The following SNTB1 variants were observed in gnomAD, a reference collection of about 807,000 sequenced individuals.
SNTB1 encodes the protein beta-1-syntrophin.
In SNTB1, 36 loss-of-function variants were observed where a neutral mutation model predicts 48.9. The observed-to-expected ratio is 0.74, with a 90% CI of 0.56 to 0.97. The LOEUF (loss-of-function observed/expected upper bound fraction) is 0.97, where lower values mean the gene tolerates loss of function less well. Ranked by LOEUF, SNTB1 falls within the 50% of genes least tolerant of loss-of-function variation. The pLI is 0.00. For synonymous variants in SNTB1, 299 were observed against 294.6 expected, an observed-to-expected ratio of 1.01 and a Z score of -0.15; for missense variants, 786 against 703.4, an observed-to-expected ratio of 1.12 and a Z score of -1.33.
At chr8:120,809,348 G>A (rs181469841) in intron 1 of SNTB1, among the ~76,000 whole-genome samples, 1 of 152,268 alleles carries the variant, frequency 6.6e-6, no homozygotes, top group East Asian at 1.9e-4. Context: ...TCCTGCCTGT[G>A]ACAAACCACA....
Position 120,693,927 on chromosome 8 carries a change from C to T in SNTB1, c.572-19G>A, listed in dbSNP as rs369789128. 1.3e-6 allele frequency: 2 copies of T among 1,592,576 alleles called. No individual in the cohort carries two copies. The highest frequency in any genetic ancestry group is 2.2e-5 in the South Asian group (2 of 90,546). Reference sequence around the variant, plus strand: ...TACTTCACTGCAAGGAAAAAGACAACAAGTGCTTTTAATACATCACGGCTG... The same window carrying T: ...TACTTCACTGCAAGGAAAAAGACAATAAGTGCTTTTAATACATCACGGCTG... On this transcript the variant is annotated intron_variant, in intron 1 of 6. Transcript: ENST00000517992.
At chr8:120,671,943 G>C (rs970127824) in intron 2 of SNTB1, among the ~76,000 whole-genome samples, 1 of 152,164 alleles carries the variant, frequency 6.6e-6, no homozygotes, top group African/African-American at 2.4e-5. Context: ...AACTTATAGT[G>C]GTTCGACTTA....
chr8:120,797,546 CTTTTTT>C (rs60374035), intron 1 of SNTB1, among the ~76,000 whole-genome samples: 51 of 69,108 alleles, frequency 7.4e-4, no homozygotes, highest in South Asian at 3.4e-3. Flanking sequence ...ACTTGTTTCT[CTTTTTT>C]TTTTTTTTTT....
Position 120,581,731 on chromosome 8 carries a change from G to A in SNTB1, c.997-6506C>T, listed in dbSNP as rs551699392. Among the ~76,000 whole-genome samples, 176 of 152,290 alleles carry A rather than the reference G, an allele frequency of 1.2e-3. 2 individuals carry two copies. The highest frequency in any genetic ancestry group is 2.0e-3 in the Admixed American group (31 of 15,290). The stretch of plus-strand genomic sequence containing the variant: ...GTCTGATCATGGGACACTAAAGAGC[G>A]TGTCATTTTAATTTTAATTTTATTT... On this transcript the variant is annotated intron_variant, in intron 3 of 6. Transcript: ENST00000517992.
intron 3 of SNTB1, among the ~76,000 whole-genome samples, chr8:120,608,679 C>T (rs143781038): frequency 4.1e-4 from 62 of 152,240 alleles, no homozygotes; most frequent in Middle Eastern, 6.8e-3. Flanking sequence ...ACTAATTCAG[C>T]TTCTATAATA....
At chr8:120,601,302 T>C (rs943015771) in intron 3 of SNTB1, among the ~76,000 whole-genome samples, 5 of 152,116 alleles carry the variant, frequency 3.3e-5, no homozygotes, top group African/African-American at 4.8e-5. Flanking sequence ...TGAATTTAGA[T>C]GGTAAAATTT....
At chr8:120,631,408 C>A (rs998321736) in intron 3 of SNTB1, among the ~76,000 whole-genome samples, 1 of 152,118 alleles carries the variant, frequency 6.6e-6, no homozygotes, top group Admixed American at 6.6e-5. Flanking sequence ...GGCTAAGACC[C>A]GCGCATGATC....
chr8:120,660,269 T>C (rs1312042573), intron 2 of SNTB1, among the ~76,000 whole-genome samples: 3 of 152,242 alleles, frequency 2.0e-5, no homozygotes, highest in African/African-American at 7.2e-5. Flanking sequence ...CTAGGCTGTT[T>C]CATCTACATT....
chr8:120,738,527 A>C (rs73710013), intron 1 of SNTB1, among the ~76,000 whole-genome samples: 19,623 of 141,976 alleles, frequency 0.14, 1,685 homozygotes, highest in African/African-American at 0.28. Context: ...CTACCTACCT[A>C]CCTCCCTTCC....
At position 120,536,155 on chromosome 8, in the gene SNTB1, G is replaced by A. The variant is rs1373585743; in HGVS notation, c.*2722C>T. The A allele has an allele frequency of 6.6e-6, 1 of 152,138 alleles. No homozygotes were observed. Among genetic ancestry groups the A allele is most frequent in the African/African-American group, 2.4e-5 (1 of 41,426 alleles). The allele number at this position is 152,138 out of a possible 1,614,324, so 9.4% of individuals were successfully genotyped here. On this transcript the variant is annotated 3_prime_UTR_variant, in exon 7 of 7. Coordinates refer to ENST00000517992, the MANE Select transcript of SNTB1 (RefSeq NM_021021.4). Reference sequence around the variant, plus strand: ...AAAAACCAATATCTATATTCCTATTGGCCTTCTTTAAATCCCTATGAGATG... The same window carrying A: ...AAAAACCAATATCTATATTCCTATTAGCCTTCTTTAAATCCCTATGAGATG...
Position 120,762,164 on chromosome 8 carries a change from T to C in SNTB1, c.571+49109A>G, listed in dbSNP as rs558469979. ...GTCCTGGCTTTCCTTTAAAGATTTATTACAGTATATTTCAAGACACACATA... is the reference window on the plus strand; with the variant it reads ...GTCCTGGCTTTCCTTTAAAGATTTACTACAGTATATTTCAAGACACACATA... On this transcript the variant is annotated intron_variant, in intron 1 of 6. Coordinates refer to ENST00000517992, the MANE Select transcript of SNTB1 (RefSeq NM_021021.4). Among the ~76,000 whole-genome samples, 60 of 152,310 alleles carry C rather than the reference T, an allele frequency of 3.9e-4. 1 individual carries two copies. In the South Asian group the frequency reaches 0.012, roughly 32 times the overall value.
chr8:120,554,686 G>A (rs1174950491), intron 4 of SNTB1, among the ~76,000 whole-genome samples: 2 of 152,142 alleles, frequency 1.3e-5, no homozygotes, highest in South Asian at 2.1e-4. Flanking sequence ...GAAGTGTTTC[G>A]AGTCTAACAC....
chr8:120,638,569 A>AC (rs1476949726), intron 2 of SNTB1, among the ~76,000 whole-genome samples: 2 of 151,842 alleles, frequency 1.3e-5, no homozygotes, highest in Non-Finnish European at 2.9e-5. Context: ...CCCTCACCCC[A>AC]CGACAGGCCC....
intron 3 of SNTB1, among the ~76,000 whole-genome samples, chr8:120,625,451 G>A (rs1489408136): frequency 1.3e-5 from 2 of 152,198 alleles, no homozygotes; most frequent in Admixed American, 6.5e-5. Flanking sequence ...ACTAAATTCA[G>A]ATGACTGTGA....
chr8:120,649,487 G>T (rs1199393314), intron 2 of SNTB1, among the ~76,000 whole-genome samples: 2 of 141,748 alleles, frequency 1.4e-5, no homozygotes, highest in Non-Finnish European at 3.1e-5. Flanking sequence ...TCGGGGGTCA[G>T]GGGTCAGGGA....
intron 1 of SNTB1, among the ~76,000 whole-genome samples, chr8:120,710,360 A>G (rs904842774): frequency 3.9e-5 from 6 of 152,220 alleles, no homozygotes; most frequent in African/African-American, 1.2e-4. Context: ...AGTCAGATCA[A>G]TCCAGCTTAT....
chr8:120,570,676 T>A (rs1815827605), intron 4 of SNTB1: 1 of 152,460 alleles, frequency 6.6e-6, no homozygotes, highest in Non-Finnish European at 1.5e-5. Context: ...GTAACTTGTG[T>A]CAAGTGCTGG....
At chr8:120,801,291 C>T (rs1048747429) in intron 1 of SNTB1, among the ~76,000 whole-genome samples, 1 of 152,028 alleles carries the variant, frequency 6.6e-6, no homozygotes, top group East Asian at 1.9e-4. Flanking sequence ...GCTAATGTAA[C>T]TCTACTACAT....
At chr8:120,636,376 A>T in intron 2 of SNTB1, among the ~76,000 whole-genome samples, 1 of 131,878 alleles carries the variant, frequency 7.6e-6, no homozygotes, top group African/African-American at 2.8e-5. Context: ...ATATCTCCCG[A>T]TGCTATCCCT....
Sources: allele counts gnomAD v4.1 joint callset (sites outside exome capture counted in the v4.1 genomes callset), GRCh38; gene constraint gnomAD v4.1.1; transcripts MANE v1.5; gene names NCBI Gene and HGNC (gene_info 2026-07-23, HGNC 2026-07-21).